Variants in ZNF503 observed in about 807,000 individuals in gnomAD.
ZNF503 encodes zinc finger protein 503, also known as NocA-like zinc finger 2.
A neutral mutation model predicts 34.4 loss-of-function variants in ZNF503; 15 were observed. The ratio of observed to expected loss-of-function variants is 0.44; its 90% CI spans 0.29 to 0.67. ZNF503 has a LOEUF of 0.67. Among genes scored for constraint, ZNF503 ranks in the 30% least tolerant of loss-of-function variants. ZNF503 has a pLI of 0.13. For synonymous variants in ZNF503, 580 were observed against 456.8 expected (o/e 1.27, Z -3.44); for missense variants, 1,007 against 926.8 (o/e 1.09, Z -1.12).
At chr10:75,320,000 A>G in the ZNF503 span, among the ~76,000 whole-genome samples, 13 of 152,228 alleles carry the variant, frequency 8.5e-5, no homozygotes, top group Non-Finnish European at 1.6e-4. Context: ...GGAGAATTCT[A>G]CAAAACTTTA....
the ZNF503 span, among the ~76,000 whole-genome samples, chr10:75,321,416 G>T: frequency 6.6e-6 from 1 of 152,216 alleles, no homozygotes; most frequent in Non-Finnish European, 1.5e-5. Flanking sequence ...TTTGGAACTG[G>T]TTAACAGGCA....
At chr10:75,363,877 C>A in the ZNF503 span, among the ~76,000 whole-genome samples, 3 of 152,172 alleles carry the variant, frequency 2.0e-5, no homozygotes, top group African/African-American at 7.2e-5. Flanking sequence ...TGCACAGATC[C>A]TTACCAAGAG....
the ZNF503 span, among the ~76,000 whole-genome samples, chr10:75,296,947 A>T: frequency 1.3e-5 from 2 of 152,164 alleles, no homozygotes; most frequent in Non-Finnish European, 2.9e-5. Flanking sequence ...TGTGATTCCT[A>T]CGGGAGTCAG....
chr10:75,351,328 C>T, the ZNF503 span, among the ~76,000 whole-genome samples: 1 of 152,240 alleles, frequency 6.6e-6, no homozygotes, highest in East Asian at 1.9e-4. Flanking sequence ...TGCACCACCA[C>T]ACCCGGCTAA....
the ZNF503 span, among the ~76,000 whole-genome samples, chr10:75,370,900 C>G: frequency 6.6e-6 from 1 of 151,576 alleles, no homozygotes; most frequent in African/African-American, 2.4e-5. Context: ...TGTCTCTCTC[C>G]AGCCTGCAAC....
chr10:75,308,275 G>T, the ZNF503 span, among the ~76,000 whole-genome samples: 1 of 138,922 alleles, frequency 7.2e-6, no homozygotes, highest in Non-Finnish European at 1.5e-5. Context: ...ATAGTTTACT[G>T]AATATTTTAA....
At chr10:75,382,458 CTG>C in the ZNF503 span, 2 of 552,172 alleles carry the variant, frequency 3.6e-6, no homozygotes, top group Non-Finnish European at 6.5e-6. Flanking sequence ...TCCTCTCTGG[CTG>C]TGTGTCCCCA....
chr10:75,353,513 G>A, the ZNF503 span, among the ~76,000 whole-genome samples: 1 of 152,192 alleles, frequency 6.6e-6, no homozygotes, highest in African/African-American at 2.4e-5. Context: ...AGCTCAGGGC[G>A]GGTGCCAGGG....
intron 1 of ZNF503, 191 bp downstream of exon 1, chr10:75,400,914 A>C (rs931107285): frequency 9.7e-6 from 8 of 821,316 alleles, no homozygotes; most frequent in Non-Finnish European, 1.5e-5. Flanking sequence ...GCTCCCTAGC[A>C]TGCACGCCCC....
At chr10:75,316,620 C>G in the ZNF503 span, among the ~76,000 whole-genome samples, 35 of 152,292 alleles carry the variant, frequency 2.3e-4, 1 homozygote, top group South Asian at 6.8e-3. Flanking sequence ...CTCAGCCTCT[C>G]AAAGTGCTAG....
chr10:75,310,372 A>C, the ZNF503 span, among the ~76,000 whole-genome samples: 9 of 152,340 alleles, frequency 5.9e-5, no homozygotes, highest in African/African-American at 1.4e-4. Context: ...CAGAATTGCC[A>C]AAGAGCGTAG....
chr10:75,381,228 T>C, the ZNF503 span, among the ~76,000 whole-genome samples: 1 of 152,138 alleles, frequency 6.6e-6, no homozygotes, highest in African/African-American at 2.4e-5. Flanking sequence ...GTTTGTTTTG[T>C]TTTGTTTTGT....
chr10:75,395,527 C>T (rs1008037083), downstream of ZNF503, among the ~76,000 whole-genome samples: 11 of 152,040 alleles, frequency 7.2e-5, no homozygotes, highest in Admixed American at 2.0e-4. This position sits in a 1 kb window ranked among gnomAD's most constrained non-coding sequence, Gnocchi z 4.4. Context: ...GGGCTCCAGC[C>T]GCCAGCCGGC....
At chr10:75,353,355 G>A in the ZNF503 span, among the ~76,000 whole-genome samples, 131 of 152,234 alleles carry the variant, frequency 8.6e-4, 2 homozygotes, top group African/African-American at 2.8e-3. Flanking sequence ...CTGGCTGAGC[G>A]GCCAATTCCT....
At chr10:75,372,205 T>G in the ZNF503 span, among the ~76,000 whole-genome samples, 1 of 152,260 alleles carries the variant, frequency 6.6e-6, no homozygotes, top group Admixed American at 6.5e-5. Flanking sequence ...GTGCTGGGAT[T>G]ACAGGCGTGA....
chr10:75,379,949 G>A, the ZNF503 span, among the ~76,000 whole-genome samples: 6 of 152,176 alleles, frequency 3.9e-5, no homozygotes, highest in Non-Finnish European at 5.9e-5. Flanking sequence ...GGGGGTGCAC[G>A]CCACACACCC....
the ZNF503 span, among the ~76,000 whole-genome samples, chr10:75,293,316 G>A: frequency 6.6e-6 from 1 of 152,178 alleles, no homozygotes; most frequent in South Asian, 2.1e-4. Context: ...CATCAGAGGA[G>A]GGCAAGGTCA....
At chr10:75,341,819 GC>G in the ZNF503 span, among the ~76,000 whole-genome samples, 18 of 152,116 alleles carry the variant, frequency 1.2e-4, 1 homozygote, top group African/African-American at 4.3e-4. Context: ...GTTTGTGCAA[GC>G]CTAATTTCTT....
At chr10:75,314,608 G>C in the ZNF503 span, among the ~76,000 whole-genome samples, 2 of 152,270 alleles carry the variant, frequency 1.3e-5, no homozygotes, top group African/African-American at 4.8e-5. Flanking sequence ...GGTGAACACA[G>C]AGAGAAAGAT....
Sources: gnomAD v4.1 joint callset for allele counts (sites outside exome capture counted in the v4.1 genomes callset) on GRCh38, gnomAD v4.1.1 for gene constraint, Gnocchi (gnomAD v3.1) non-coding constraint, MANE v1.5 for transcripts, NCBI Gene and HGNC (gene_info 2026-07-23, HGNC 2026-07-21) for gene names.